Variants in CDH23 observed in about 807,000 individuals in gnomAD.
The protein encoded by CDH23 is cadherin-23.
CDH23 carries 189 observed loss-of-function variants against 317.1 expected under a neutral mutation model. The ratio of observed to expected loss-of-function variants is 0.60; its 90% CI spans 0.53 to 0.67. CDH23 has a LOEUF of 0.67. Among genes scored for constraint, CDH23 ranks in the 30% least tolerant of loss-of-function variants. The pLI, the probability that CDH23 is intolerant of heterozygous loss-of-function variation, is 0.00. For missense variants in CDH23, 4,401 were observed against 4,592.4 expected (o/e 0.96, Z 1.20); for synonymous variants, 1,839 against 1,876.8 (o/e 0.98, Z 0.52).
chr10:71,495,241 T>C (rs908635878), intron 3 of CDH23, among the ~76,000 whole-genome samples: 21 of 152,214 alleles, frequency 1.4e-4, no homozygotes, highest in African/African-American at 5.1e-4. Flanking sequence ...GCAAAATGAA[T>C]GGTGCTGTGA....
chr10:71,814,860 T>A (rs1842074942), intron 69 of CDH23, 92 bp from the exon 70 acceptor site: 1 of 1,412,122 alleles, frequency 7.1e-7, no homozygotes. Flanking sequence ...GAGCCCAAGG[T>A]TCAGCCACAT....
At position 71,761,479 on chromosome 10, in the gene CDH23, G is replaced by A. The variant is rs527767661; in HGVS notation, c.4846-16201G>A. ...CCCCATCTCACCCACACACTCCCTG[G>A]AGTGCCAGTGTTACCCATGCAGCCT... is the stretch of plus-strand genomic sequence containing the variant. On this transcript the variant is annotated intron_variant, in intron 38 of 69. Transcript: ENST00000224721. The A allele has an allele frequency of 7.6e-4, 914 of 1,202,898 alleles. 8 individuals carry two copies. The African/African-American group carries it at 0.012, about 16-fold the overall frequency. 74.5% of individuals were successfully genotyped at this position (1,202,898 alleles called of 1,614,324 possible). A position where few individuals can be genotyped will look rare whatever the true frequency, so the allele number is the denominator to read the frequency against.
chr10:71,489,345 A>G (rs988216906), intron 3 of CDH23, among the ~76,000 whole-genome samples: 1 of 152,092 alleles, frequency 6.6e-6, no homozygotes, highest in Non-Finnish European at 1.5e-5. Flanking sequence ...CTTTCCAGCT[A>G]TGTCTAATCC....
intron 28 of CDH23, among the ~76,000 whole-genome samples, chr10:71,718,167 C>T (rs1181523977): frequency 2.0e-5 from 3 of 152,194 alleles, no homozygotes; most frequent in African/African-American, 7.2e-5. Flanking sequence ...CACGGAAGCT[C>T]AGGAGGAGGA....
At chr10:71,476,310 G>A (rs149661410) in intron 3 of CDH23, among the ~76,000 whole-genome samples, 1,742 of 152,226 alleles carry the variant, frequency 0.011, 17 homozygotes, top group Middle Eastern at 0.02. Flanking sequence ...GCAAGTCGGC[G>A]ATTTGGGAGA....
rs112462255 is a variant in CDH23, at chr10:71,695,329, G to A, written c.2290-89G>A. ...GGCAGAATTAATGCGAAGATTGCCC[G>A]TGGGCATCTGAGCACTTTTCCCCTG... On this transcript the variant is annotated intron_variant, in intron 21 of 69. Coordinates refer to ENST00000224721, the MANE Select transcript of CDH23 (RefSeq NM_022124.6). 3.0e-4 allele frequency: 271 copies of A among 898,374 alleles called. 4 individuals are homozygous for A. Among genetic ancestry groups the A allele is most frequent in the Middle Eastern group, 4.3e-4 (2 of 4,660 alleles). 55.7% of individuals were successfully genotyped at this position (898,374 alleles called of 1,614,324 possible). A position where few individuals can be genotyped will look rare whatever the true frequency, so the allele number is the denominator to read the frequency against.
At chr10:71,470,184 A>G (rs1404876476) in intron 3 of CDH23, among the ~76,000 whole-genome samples, 1 of 152,048 alleles carries the variant, frequency 6.6e-6, no homozygotes, top group African/African-American at 2.4e-5. Flanking sequence ...AAGTGGTTGT[A>G]CCCTTTCACC....
intron 38 of CDH23, among the ~76,000 whole-genome samples, chr10:71,771,610 G>A (rs559149201): frequency 1.3e-5 from 2 of 152,340 alleles, no homozygotes; most frequent in East Asian, 3.9e-4. Flanking sequence ...TGAGGTCCCA[G>A]AGCAATTCAA....
At chr10:71,758,892 CAG>C (rs1043440080) in intron 38 of CDH23, among the ~76,000 whole-genome samples, 4 of 152,106 alleles carry the variant, frequency 2.6e-5, no homozygotes, top group African/African-American at 7.2e-5. Flanking sequence ...TTTTTTGGGA[CAG>C]AGTCTCGCTC....
chr10:71,778,067 AG>A, intron 39 of CDH23, 121 bp from the exon 40 acceptor site: 1 of 1,471,744 alleles, frequency 6.8e-7, no homozygotes, highest in Non-Finnish European at 9.3e-7. Context: ...AGCCTGGGCT[AG>A]GGGGTGGCAG....
At chr10:71,547,218 G>A (rs181969231) in intron 6 of CDH23, among the ~76,000 whole-genome samples, 6 of 152,336 alleles carry the variant, frequency 3.9e-5, no homozygotes, top group African/African-American at 9.6e-5. Flanking sequence ...CCAAGGACCC[G>A]ATCCAGACTG....
intron 6 of CDH23, among the ~76,000 whole-genome samples, chr10:71,514,866 T>C (rs1387018306): frequency 6.6e-6 from 1 of 152,268 alleles, no homozygotes; most frequent in East Asian, 1.9e-4. Flanking sequence ...GCTGTCATGC[T>C]GACTGCTGTT....
At chr10:71,674,736 C>T (rs538248941) in intron 14 of CDH23, among the ~76,000 whole-genome samples, 5 of 152,274 alleles carry the variant, frequency 3.3e-5, no homozygotes, top group South Asian at 4.2e-4. Context: ...AGTGAATGAA[C>T]GATGTCATTT....
intron 28 of CDH23, chr10:71,715,825 C>T: frequency 8.9e-7 from 1 of 1,122,538 alleles, no homozygotes; most frequent in Non-Finnish European, 1.2e-6. Flanking sequence ...GAGTGTGTGT[C>T]CCAGACTGCT....
At position 71,812,894 on chromosome 10, in the gene CDH23, A is replaced by T. The variant is rs2133008482; in HGVS notation, c.9633+4A>T. 1 of 1,613,214 alleles carries T rather than the reference A, an allele frequency of 6.2e-7. No individual in the cohort carries two copies. Among genetic ancestry groups the T allele is most frequent in the South Asian group, 1.1e-5 (1 of 90,856 alleles). ...CATTCGTGAGGGGCCAATCAAGGTG[A>T]GCCTTCCCTGCAGGCTCCGCGCCCA... is the stretch of plus-strand genomic sequence containing the variant. On this transcript the variant is annotated splice_donor_region_variant and intron_variant, in intron 68 of 69. Transcript: ENST00000224721.
chr10:71,793,232 G>C lies in CDH23; in HGVS notation c.6304G>C (p.Gly2102Arg), dbSNP rs1018523742. Reference protein sequence around the residue: ...TATDEDSGLNGELVYRIEAGA... With the variant: ...TATDEDSGLNRELVYRIEAGA... The stretch of plus-strand genomic sequence containing the variant: ...CACAGATGAGGACAGTGGCCTCAAT[G>C]GGGAGCTGGTCTACCGAATAGAAGC... The change falls in exon 48 of 70, where the codon GGG becomes CGG. Residue 2102 changes from glycine (G) to arginine (R), a missense_variant. Transcript: ENST00000224721. The C allele has an allele frequency of 1.2e-6, 2 of 1,613,780 alleles. No homozygotes were observed. The highest frequency in any genetic ancestry group is 2.2e-5 in the South Asian group (2 of 91,036).
chr10:71,549,747 A>G (rs558827542), intron 6 of CDH23, among the ~76,000 whole-genome samples: 1 of 152,322 alleles, frequency 6.6e-6, no homozygotes, highest in South Asian at 2.1e-4. Flanking sequence ...CTTTTCTCCA[A>G]GGTAGTTTCT....
At position 71,702,701 on chromosome 10, in the gene CDH23, C is replaced by CTCCA; in HGVS notation, c.2733+9_2733+10insCATC. 6.2e-7 allele frequency: 1 copy of CTCCA among 1,613,518 alleles called. No individual in the cohort carries two copies. The highest frequency in any genetic ancestry group is 8.5e-7 in the Non-Finnish European group (1 of 1,179,860). On this transcript the variant is annotated splice_region_variant and intron_variant, in intron 24 of 69. Transcript: ENST00000224721. The stretch of plus-strand genomic sequence containing the variant: ...GGGGGTCTCCATCTACCAAGTGAGT[C>CTCCA]TCTATCATCTCATTCCTACCAGCCC...
At chr10:71,716,441 G>A in intron 28 of CDH23, 1 of 968,670 alleles carries the variant, frequency 1.0e-6, no homozygotes, top group South Asian at 1.7e-5. Flanking sequence ...TGGGGGCAAG[G>A]CACTGTTAAA....
Sources: allele counts gnomAD v4.1 joint callset (sites outside exome capture counted in the v4.1 genomes callset), GRCh38; gene constraint gnomAD v4.1.1; transcripts MANE v1.5; gene names NCBI Gene and HGNC (gene_info 2026-07-23, HGNC 2026-07-21).